The following TAFA4 variants were observed in gnomAD, a reference collection of about 807,000 sequenced individuals.
TAFA4 encodes TAFA chemokine like family member 4.
A neutral mutation model predicts 21.1 loss-of-function variants in TAFA4; 20 were observed. That is an observed-to-expected ratio of 0.95 (90% CI 0.67 to 1.38). The LOEUF is 1.38. Ranked by LOEUF, TAFA4 falls within the 40% of genes most tolerant of loss-of-function variation. The pLI, the probability that TAFA4 is intolerant of heterozygous loss-of-function variation, is 0.00. For missense variants in TAFA4, 211 were observed against 180.9 expected (o/e 1.17, Z -0.95); for synonymous variants, 71 against 67.4 (o/e 1.05, Z -0.26).
chr3:68,903,442 A>G (rs959569886), intron 1 of TAFA4, among the ~76,000 whole-genome samples: 2 of 152,230 alleles, frequency 1.3e-5, no homozygotes, highest in African/African-American at 4.8e-5. Context: ...TTCAAATCTC[A>G]TTAAAGTTTA....
intron 3 of TAFA4, among the ~76,000 whole-genome samples, chr3:68,827,865 T>C (rs1403603285): frequency 1.3e-5 from 2 of 152,240 alleles, no homozygotes; most frequent in Non-Finnish European, 2.9e-5. Flanking sequence ...TCTTTTCCTG[T>C]GCAGAAGCTC....
At chr3:68,802,135 T>A (rs1703592473) in intron 3 of TAFA4, among the ~76,000 whole-genome samples, 1 of 152,312 alleles carries the variant, frequency 6.6e-6, no homozygotes, top group Admixed American at 6.5e-5. Context: ...ATAATGGTGG[T>A]ATTAAGCAAT....
intron 3 of TAFA4, among the ~76,000 whole-genome samples, chr3:68,864,503 G>T (rs1043093983): frequency 1.3e-5 from 2 of 152,098 alleles, no homozygotes; most frequent in African/African-American, 4.8e-5. Context: ...TGGTGAGCAC[G>T]CATCGGTACA....
chr3:68,825,690 G>A (rs1704213003), intron 3 of TAFA4, among the ~76,000 whole-genome samples: 1 of 152,170 alleles, frequency 6.6e-6, no homozygotes, highest in African/African-American at 2.4e-5. Flanking sequence ...TCATAAGAAT[G>A]AAAATGAAAC....
At chr3:68,904,790 C>A (rs571262873) in intron 1 of TAFA4, among the ~76,000 whole-genome samples, 3 of 152,310 alleles carry the variant, frequency 2.0e-5, no homozygotes, top group Admixed American at 2.0e-4. Flanking sequence ...GACTCAGGGG[C>A]ATTAACTTCC....
At chr3:68,858,235 G>A (rs748852424) in intron 3 of TAFA4, among the ~76,000 whole-genome samples, 7 of 152,082 alleles carry the variant, frequency 4.6e-5, no homozygotes, top group Non-Finnish European at 8.8e-5. Flanking sequence ...CAAATGCATC[G>A]TGGAAATGCA....
At chr3:68,803,829 G>A (rs1461455421) in intron 3 of TAFA4, among the ~76,000 whole-genome samples, 1 of 99,930 alleles carries the variant, frequency 1.0e-5, no homozygotes. Context: ...TTGTGAGACA[G>A]AGTCTTGCTC....
At chr3:68,734,118 A>G (rs1004650939) in intron 5 of TAFA4, among the ~76,000 whole-genome samples, 3 of 152,176 alleles carry the variant, frequency 2.0e-5, no homozygotes, top group African/African-American at 7.2e-5. Context: ...CATAGACAAT[A>G]AATAAATGAA....
At position 68,804,149 on chromosome 3, in the gene TAFA4, C is replaced by T. The variant is rs1051019721; in HGVS notation, c.131-51131G>A. 3.3e-5 allele frequency among the ~76,000 whole-genome samples: 5 copies of T among 152,108 alleles called. No homozygotes were observed. The East Asian group carries it at 5.8e-4, about 18-fold the overall frequency. ...AAACAAGGTGTAACCCACTGCTCCA[C>T]GAAACATCATGAATTCAATTCAACC... is the stretch of plus-strand genomic sequence containing the variant. On this transcript the variant is annotated intron_variant, in intron 3 of 5. Transcript: ENST00000295569.
intron 3 of TAFA4, among the ~76,000 whole-genome samples, chr3:68,785,336 G>A (rs185552781): frequency 0.018 from 2,781 of 152,346 alleles, 83 homozygotes; most frequent in African/African-American, 0.064. Flanking sequence ...TTGGGTGGTC[G>A]ATGGGACTGG....
At chr3:68,870,330 C>A (rs545792329) in intron 3 of TAFA4, among the ~76,000 whole-genome samples, 1 of 151,912 alleles carries the variant, frequency 6.6e-6, no homozygotes, top group East Asian at 1.9e-4. Context: ...ACATTCTTCA[C>A]AAAACTTGAA....
At chr3:68,868,759 G>A (rs1055671580) in intron 3 of TAFA4, among the ~76,000 whole-genome samples, 1 of 151,778 alleles carries the variant, frequency 6.6e-6, no homozygotes, top group African/African-American at 2.4e-5. Context: ...TAAAAGTGAA[G>A]ATTATAGCAA....
intron 5 of TAFA4, 103 bp downstream of exon 5, chr3:68,738,972 A>T (rs911659420): frequency 2.4e-5 from 37 of 1,514,614 alleles, no homozygotes; most frequent in Admixed American, 1.8e-4. Flanking sequence ...AAGCAGGTTT[A>T]TTAACACATA....
Position 68,733,896 on chromosome 3 carries a change from G to T in TAFA4, c.412-743C>A, listed in dbSNP as rs183888325. Among the ~76,000 whole-genome samples, 3 of 152,242 alleles carry T rather than the reference G, an allele frequency of 2.0e-5. No homozygotes were observed. The East Asian group carries it at 5.8e-4, about 29-fold the overall frequency. On this transcript the variant is annotated intron_variant, in intron 5 of 5. Coordinates refer to ENST00000295569, the MANE Select transcript of TAFA4 (RefSeq NM_182522.5). ...CTATTAACTGACATCTGGCCTTTAT[G>T]TACTCAACAGTATTACTCCCCTTTT...
At chr3:68,881,486 TA>T (rs975247564) in intron 2 of TAFA4, among the ~76,000 whole-genome samples, 1 of 151,942 alleles carries the variant, frequency 6.6e-6, no homozygotes, top group African/African-American at 2.4e-5. Context: ...AACAAAAGAG[TA>T]AAAAAAAGGA....
chr3:68,806,582 T>C (rs1341308299), intron 3 of TAFA4, among the ~76,000 whole-genome samples: 1 of 152,140 alleles, frequency 6.6e-6, no homozygotes, highest in Non-Finnish European at 1.5e-5. Flanking sequence ...AGTTGTTTAC[T>C]GTAATGGACT....
chr3:68,921,798 T>C (rs1265084069), intron 1 of TAFA4, among the ~76,000 whole-genome samples: 1 of 152,198 alleles, frequency 6.6e-6, no homozygotes, highest in African/African-American at 2.4e-5. Flanking sequence ...TTTTTCCTAG[T>C]CCAATGTAGA....
At chr3:68,758,760 G>A (rs913216399) in intron 3 of TAFA4, among the ~76,000 whole-genome samples, 1 of 152,216 alleles carries the variant, frequency 6.6e-6, no homozygotes, top group Non-Finnish European at 1.5e-5. Context: ...AAGCCTGATG[G>A]CAGAAAATAA....
At chr3:68,805,921 A>T (rs1268094001) in intron 3 of TAFA4, among the ~76,000 whole-genome samples, 2 of 152,306 alleles carry the variant, frequency 1.3e-5, no homozygotes, top group South Asian at 4.1e-4. Flanking sequence ...AAACCTGCAC[A>T]TTGTGCACAT....
Sources: allele counts gnomAD v4.1 joint callset (sites outside exome capture counted in the v4.1 genomes callset), GRCh38; gene constraint gnomAD v4.1.1; transcripts MANE v1.5; gene names NCBI Gene and HGNC (gene_info 2026-07-23, HGNC 2026-07-21).